The following ADAMTS9 variants were observed in gnomAD, a reference collection of about 807,000 sequenced individuals.
ADAMTS9 encodes A disintegrin and metalloproteinase with thrombospondin motifs 9.
In ADAMTS9, 107 loss-of-function variants were observed where a neutral mutation model predicts 257.1. The observed-to-expected ratio is 0.42, with a 90% CI of 0.36 to 0.49. The LOEUF is 0.49. Among genes scored for constraint, ADAMTS9 ranks in the 20% least tolerant of loss-of-function variants. The probability of loss-of-function intolerance (pLI) is 0.03; values close to 1 mark genes in which losing one functional copy is unlikely to be tolerated. For missense variants in ADAMTS9, 2,353 were observed against 2,469.1 expected (o/e 0.95, Z 1.00); for synonymous variants, 982 against 880.9 (o/e 1.11, Z -2.03).
intron 28 of ADAMTS9, among the ~76,000 whole-genome samples, chr3:64,571,421 G>T (rs1400856901): frequency 6.6e-6 from 1 of 152,194 alleles, no homozygotes; most frequent in Non-Finnish European, 1.5e-5. Context: ...GTGAAAAATA[G>T]TTAAATTATC....
At chr3:64,606,447 C>T (rs1470769818) in intron 23 of ADAMTS9, among the ~76,000 whole-genome samples, 13 of 152,112 alleles carry the variant, frequency 8.5e-5, no homozygotes, top group Admixed American at 6.6e-4. Context: ...CAGACACATA[C>T]GTACATTGTA....
rs761196308 is a variant in ADAMTS9 at position 64,533,905 on chromosome 3, C to T, written c.5614-635G>A. Among the ~76,000 whole-genome samples, 19 of 152,310 alleles carry T rather than the reference C, an allele frequency of 1.2e-4. 1 individual carries two copies. The highest frequency in any genetic ancestry group is 7.2e-4 in the Admixed American group (11 of 15,296). ...ACCCCTCCCCTCCGAGGGTGCCTTT[C>T]AGAACATGGCCTCTGGTGCCTCAAT... On this transcript the variant is annotated intron_variant, in intron 37 of 39. Transcript: ENST00000498707.
intron 3 of ADAMTS9, among the ~76,000 whole-genome samples, chr3:64,676,019 T>C (rs963859192): frequency 6.6e-6 from 1 of 152,010 alleles, no homozygotes; most frequent in Non-Finnish European, 1.5e-5. Flanking sequence ...ATAAACAGAG[T>C]CCCCAGTGCC....
chr3:64,528,590 C>T (rs551027725), intron 38 of ADAMTS9, among the ~76,000 whole-genome samples: 1 of 152,252 alleles, frequency 6.6e-6, no homozygotes, highest in East Asian at 1.9e-4. Context: ...TGTGGACAGG[C>T]TAAGCCCGGG....
intron 16 of ADAMTS9, among the ~76,000 whole-genome samples, chr3:64,628,583 C>T (rs950900776): frequency 7.2e-5 from 11 of 152,168 alleles, no homozygotes; most frequent in African/African-American, 2.7e-4. Flanking sequence ...TGGATTCCCC[C>T]CCCAAAATAA....
chr3:64,681,057 T>A (rs1701741998), intron 3 of ADAMTS9, 144 bp downstream of exon 3: 1 of 906,558 alleles, frequency 1.1e-6, no homozygotes, highest in African/African-American at 1.7e-5. Context: ...CAGTGGGGTA[T>A]GTATCCCTAC....
intron 3 of ADAMTS9, among the ~76,000 whole-genome samples, chr3:64,667,128 G>A (rs1046913611): frequency 3.9e-5 from 6 of 152,198 alleles, no homozygotes; most frequent in Admixed American, 2.6e-4. Context: ...AGAAGAGATT[G>A]TGGCTAAGAC....
At chr3:64,601,051 C>G (rs1447882632) in intron 26 of ADAMTS9, among the ~76,000 whole-genome samples, 3 of 152,090 alleles carry the variant, frequency 2.0e-5, no homozygotes, top group Non-Finnish European at 4.4e-5. Context: ...TGGTATTGCA[C>G]AGCATATTTT....
intron 30 of ADAMTS9, among the ~76,000 whole-genome samples, chr3:64,557,553 T>C (rs577983426): frequency 6.6e-6 from 1 of 152,156 alleles, no homozygotes; most frequent in South Asian, 2.1e-4. Context: ...CCCAACATTA[T>C]AAGGTGCAGG....
chr3:64,594,093 A>G (rs1468135865), intron 28 of ADAMTS9, among the ~76,000 whole-genome samples, 165 bp downstream of exon 28: 1 of 152,028 alleles, frequency 6.6e-6, no homozygotes, highest in African/African-American at 2.4e-5. Context: ...ATATCATAAA[A>G]AGTTAATTCT....
intron 3 of ADAMTS9, among the ~76,000 whole-genome samples, chr3:64,668,656 C>T (rs1701407866): frequency 6.6e-6 from 1 of 152,124 alleles, no homozygotes; most frequent in Non-Finnish European, 1.5e-5. Flanking sequence ...GTAGGAAGTC[C>T]TCTGGAGGCA....
At chr3:64,590,142 C>T (rs1330134759) in intron 28 of ADAMTS9, 1 of 151,970 alleles carries the variant, frequency 6.6e-6, no homozygotes, top group Non-Finnish European at 1.5e-5. Flanking sequence ...GAAAAAATAC[C>T]CAACAAAATA....
chr3:64,535,986 T>TCC (rs1306709943), intron 37 of ADAMTS9, among the ~76,000 whole-genome samples: 1 of 152,184 alleles, frequency 6.6e-6, no homozygotes, highest in Non-Finnish European at 1.5e-5. Flanking sequence ...AGACTGCCTG[T>TCC]CCCACCTGCA....
intron 2 of ADAMTS9, among the ~76,000 whole-genome samples, chr3:64,681,602 T>C (rs1019515715): frequency 6.6e-6 from 1 of 152,192 alleles, no homozygotes; most frequent in Admixed American, 6.5e-5. Context: ...ATTTTAGAGA[T>C]AGGGTCTTGC....
chr3:64,570,786 A>G (rs1007974402), intron 28 of ADAMTS9, among the ~76,000 whole-genome samples: 1 of 150,642 alleles, frequency 6.6e-6, no homozygotes, highest in Non-Finnish European at 1.5e-5. Context: ...GGGCAGTATC[A>G]GGGATAACTT....
In ADAMTS9 at chr3:64,647,938, G is replaced by C. The variant is rs767191163; in HGVS notation, c.1710+2C>G. The C allele has an allele frequency of 2.5e-6, 4 of 1,612,910 alleles. No homozygotes were observed. The highest frequency in any genetic ancestry group is 3.4e-6 in the Non-Finnish European group (4 of 1,179,576). On this transcript the variant is annotated splice_donor_variant, in intron 11 of 39. Coordinates refer to ENST00000498707, the MANE Select transcript of ADAMTS9 (RefSeq NM_182920.2). LOFTEE classifies it high-confidence loss of function. The stretch of plus-strand genomic sequence containing the variant: ...AGAAGGACAGAACAGGGCATTACTT[G>C]CCTTTCCAGGCTCGCACTCCGTCCC...
intron 19 of ADAMTS9, among the ~76,000 whole-genome samples, chr3:64,619,400 A>G (rs1360271341): frequency 3.9e-5 from 6 of 152,322 alleles, no homozygotes; most frequent in South Asian, 2.1e-4. Flanking sequence ...TGAATTAAGA[A>G]TAAAAATAAC....
intron 27 of ADAMTS9, 98 bp downstream of exon 27, chr3:64,596,732 T>C: frequency 6.9e-7 from 1 of 1,447,504 alleles, no homozygotes; most frequent in Middle Eastern, 1.8e-4. Flanking sequence ...AAGCTTCTAC[T>C]AGAGCTAGTT....
intron 3 of ADAMTS9, among the ~76,000 whole-genome samples, chr3:64,662,710 C>T (rs990055140): frequency 1.3e-5 from 2 of 152,096 alleles, no homozygotes; most frequent in East Asian, 1.9e-4. Context: ...AAAGACCACA[C>T]ATCAAAGGTC....
Sources: gnomAD v4.1 joint callset for allele counts (sites outside exome capture counted in the v4.1 genomes callset) on GRCh38, gnomAD v4.1.1 for gene constraint, MANE v1.5 for transcripts, NCBI Gene and HGNC (gene_info 2026-07-23, HGNC 2026-07-21) for gene names.